Variants in IL1RAPL2 observed in about 807,000 individuals in gnomAD.
The protein encoded by IL1RAPL2 is X-linked interleukin-1 receptor accessory protein-like 2.
In IL1RAPL2, 3 loss-of-function variants were observed where a neutral mutation model predicts 44.1. That is an observed-to-expected ratio of 0.07 (90% CI 0.03 to 0.18). The LOEUF is 0.18. IL1RAPL2 is among the 10% of genes least tolerant of loss of function. The pLI is 1.00. For missense variants in IL1RAPL2, 391 were observed against 496.4 expected (o/e 0.79, Z 2.02); for synonymous variants, 181 against 178.8 (o/e 1.01, Z -0.10).
At chrX:104,889,538 C>T (rs1923354422) in intron 2 of IL1RAPL2, among the ~76,000 whole-genome samples, 1 of 111,830 alleles carries the variant, frequency 8.9e-6, no homozygotes, top group Non-Finnish European at 1.9e-5. Flanking sequence ...ACTGGACAGG[C>T]ACCTGCACCT....
chrX:104,582,596 T>TTC (rs1387907561), intron 1 of IL1RAPL2, among the ~76,000 whole-genome samples: 2,106 of 52,108 alleles, frequency 0.04, 132 homozygotes, highest in African/African-American at 0.12. Context: ...CTTTCTTTCT[T>TTC]TTTCTTTCTT....
chrX:104,709,560 T>C (rs1931419350), intron 2 of IL1RAPL2, among the ~76,000 whole-genome samples: 1 of 110,578 alleles, frequency 9.0e-6, no homozygotes, highest in East Asian at 2.8e-4. Context: ...TTTCCCCTAC[T>C]CCCCATATTC....
At chrX:104,676,073 T>G (rs1414633077) in intron 2 of IL1RAPL2, among the ~76,000 whole-genome samples, 1 of 108,931 alleles carries the variant, frequency 9.2e-6, no homozygotes, top group Non-Finnish European at 1.9e-5. Context: ...TCTGTGTCTT[T>G]TAATTGGAGC....
chrX:105,698,093 G>A (rs1489232025), intron 6 of IL1RAPL2, among the ~76,000 whole-genome samples: 1 of 111,475 alleles, frequency 9.0e-6, no homozygotes, highest in Non-Finnish European at 1.9e-5. Flanking sequence ...GACTCCAAGT[G>A]TTGCTTCTCC....
chrX:105,007,739 GA>G (rs1406553743), intron 2 of IL1RAPL2, among the ~76,000 whole-genome samples: 2 of 111,358 alleles, frequency 1.8e-5, no homozygotes, highest in Non-Finnish European at 3.8e-5. Context: ...TGTTTTTCTT[GA>G]AATGTACTTT....
chrX:105,129,896 C>T (rs976471764), intron 2 of IL1RAPL2, among the ~76,000 whole-genome samples: 1 of 110,650 alleles, frequency 9.0e-6, no homozygotes, highest in African/African-American at 3.3e-5. Context: ...GAAAACAAGA[C>T]TCCCACATCA....
intron 5 of IL1RAPL2, among the ~76,000 whole-genome samples, chrX:105,392,952 G>A (rs2035537514): frequency 1.8e-5 from 2 of 112,231 alleles, no homozygotes; most frequent in Admixed American, 1.9e-4. Context: ...TTAAAATTGG[G>A]ATAACTGCTA....
At chrX:105,629,607 T>G (rs1244756542) in intron 6 of IL1RAPL2, among the ~76,000 whole-genome samples, 1 of 111,327 alleles carries the variant, frequency 9.0e-6, no homozygotes, top group Non-Finnish European at 1.9e-5. Context: ...TGGTTTCAAT[T>G]TTTCTCTTCT....
chrX:105,715,023 A>G (rs1006498268), intron 6 of IL1RAPL2, among the ~76,000 whole-genome samples: 3 of 112,123 alleles, frequency 2.7e-5, no homozygotes, highest in African/African-American at 9.7e-5. Context: ...TGAAAGTAGC[A>G]TGCTCCAGTG....
intron 5 of IL1RAPL2, among the ~76,000 whole-genome samples, chrX:105,283,467 T>C (rs1474553000): frequency 9.0e-6 from 1 of 110,649 alleles, no homozygotes; most frequent in Non-Finnish European, 1.9e-5. Flanking sequence ...TGATGGTGGC[T>C]TGGGTCAGAA....
chrX:105,756,095 T>C (rs1288181985), intron 10 of IL1RAPL2, among the ~76,000 whole-genome samples: 1 of 111,790 alleles, frequency 8.9e-6, no homozygotes, highest in African/African-American at 3.3e-5. Context: ...AAAATATAAG[T>C]TCTAGAACTT....
intron 5 of IL1RAPL2, among the ~76,000 whole-genome samples, chrX:105,431,714 A>T (rs1294745846): frequency 9.0e-6 from 1 of 111,551 alleles, no homozygotes; most frequent in Non-Finnish European, 1.9e-5. Context: ...TATAGTTCTG[A>T]TGTCTGTCTT....
chrX:104,630,150 A>ATTTT (rs3056013), intron 1 of IL1RAPL2, among the ~76,000 whole-genome samples: 2,380 of 88,478 alleles, frequency 0.027, 146 homozygotes, highest in African/African-American at 0.1. Flanking sequence ...CACCTGGATA[A>ATTTT]TTTTTTTTTT....
intron 6 of IL1RAPL2, among the ~76,000 whole-genome samples, chrX:105,615,014 C>G (rs1225411745): frequency 9.0e-6 from 1 of 111,518 alleles, no homozygotes; most frequent in African/African-American, 3.3e-5. Flanking sequence ...TAAAATTGGA[C>G]AAAAGATATG....
At chrX:105,418,793 C>T (rs1335845595) in intron 5 of IL1RAPL2, among the ~76,000 whole-genome samples, 2 of 111,827 alleles carry the variant, frequency 1.8e-5, no homozygotes, top group Admixed American at 9.5e-5. Flanking sequence ...TGTTATAAAA[C>T]TCAAGAAGAG....
chrX:105,356,949 C>T (rs915594799), intron 5 of IL1RAPL2, among the ~76,000 whole-genome samples: 1 of 111,652 alleles, frequency 9.0e-6, no homozygotes, highest in Non-Finnish European at 1.9e-5. Flanking sequence ...TTATCTGGCT[C>T]ACGGTAAGCT....
chrX:105,381,221 A>C (rs2035427422), intron 5 of IL1RAPL2, among the ~76,000 whole-genome samples: 1 of 111,641 alleles, frequency 9.0e-6, no homozygotes, highest in Non-Finnish European at 1.9e-5. Flanking sequence ...AGGGTCACAC[A>C]GCTAGGAATA....
intron 5 of IL1RAPL2, among the ~76,000 whole-genome samples, chrX:105,453,415 A>G (rs1287974806): frequency 8.9e-6 from 1 of 112,242 alleles, no homozygotes; most frequent in Non-Finnish European, 1.9e-5. Context: ...CAGTCATCTG[A>G]GATTCATTTA....
chrX:105,503,151 A>G (rs1287985763), intron 6 of IL1RAPL2, among the ~76,000 whole-genome samples: 1 of 111,501 alleles, frequency 9.0e-6, no homozygotes, highest in Non-Finnish European at 1.9e-5. Flanking sequence ...GTACAATTAA[A>G]GCAGAGATAT....
Sources: allele counts gnomAD v4.1 joint callset (sites outside exome capture counted in the v4.1 genomes callset), GRCh38; gene constraint gnomAD v4.1.1; transcripts MANE v1.5; gene names NCBI Gene and HGNC (gene_info 2026-07-23, HGNC 2026-07-21).